The following SLC2A3 variants were observed in gnomAD, a reference collection of about 807,000 sequenced individuals.
SLC2A3 encodes solute carrier family 2 member 3.
SLC2A3 carries 21 observed loss-of-function variants against 46.4 expected under a neutral mutation model. The observed-to-expected ratio is 0.45, with a 90% CI of 0.32 to 0.65. SLC2A3 has a LOEUF of 0.65. Ranked by LOEUF, SLC2A3 falls within the 30% of genes least tolerant of loss-of-function variation. SLC2A3 has a pLI of 0.04. For synonymous variants in SLC2A3, 213 were observed against 239.4 expected, an observed-to-expected ratio of 0.89 and a Z score of 1.02; for missense variants, 499 against 623.3, an observed-to-expected ratio of 0.80 and a Z score of 2.12.
At position 7,930,604 on chromosome 12, in the gene SLC2A3, T is replaced by G. The variant is rs1378989817; in HGVS notation, c.549A>C (p.Leu183=). 1 of 1,613,870 alleles carries G rather than the reference T, an allele frequency of 6.2e-7. No individual in the cohort carries two copies. Among genetic ancestry groups the G allele is most frequent in the East Asian group, 2.2e-5 (1 of 44,870 alleles). ...GLEFILGSEE[L]WPLLLGFTIL... ...TGGTAAAACCCAGTAGCAGCGGCCA[T>G]AGCTCTTCAGACCCAAGGATGAATT... is the stretch of plus-strand genomic sequence containing the variant. The change falls in exon 5 of 10, where the codon CTA becomes CTC. Residue 183 remains leucine, a synonymous_variant. Transcript: ENST00000075120.
At chr12:7,923,781 T>G (rs932375193) in intron 8 of SLC2A3, among the ~76,000 whole-genome samples, 3 of 149,908 alleles carry the variant, frequency 2.0e-5, no homozygotes, top group Non-Finnish European at 3.0e-5. Flanking sequence ...TTTTTTTTTT[T>G]TTTTGAGAGA....
rs1946091738 is a variant in SLC2A3 at position 7,926,041 on chromosome 12, G to C, written c.862-93C>G. 9 of 1,052,108 alleles carry C rather than the reference G, an allele frequency of 8.6e-6. No homozygotes were observed. In the East Asian group the frequency reaches 2.1e-4, roughly 25 times the overall value. The allele number at this position is 1,052,108 out of a possible 1,614,324, so 65.2% of individuals were successfully genotyped here. A position where few individuals can be genotyped will look rare whatever the true frequency, so the allele number is the denominator to read the frequency against. ...TAAACTTAAAAGTCCCAGTGGGTAAGAAGTCCTTTTTCTAGGTTTTCGTTC... is the reference window on the plus strand; with the variant it reads ...TAAACTTAAAAGTCCCAGTGGGTAACAAGTCCTTTTTCTAGGTTTTCGTTC... On this transcript the variant is annotated intron_variant, in intron 6 of 9. Coordinates refer to ENST00000075120, the MANE Select transcript of SLC2A3 (RefSeq NM_006931.3).
Position 7,920,900 on chromosome 12 carries a change from TA to T in SLC2A3, c.*512del, listed in dbSNP as rs1028783890. The stretch of plus-strand genomic sequence containing the variant: ...GCACATGTATCCTGAAACTTAAAGT[TA>T]AAAAAAAAAAATTATGTAATTAAAC... On this transcript the variant is annotated 3_prime_UTR_variant, in exon 10 of 10. Coordinates refer to ENST00000075120, the MANE Select transcript of SLC2A3 (RefSeq NM_006931.3). 425 of 8,976 alleles carry T rather than the reference TA, an allele frequency of 0.047. No individual in the cohort carries two copies. Among genetic ancestry groups the T allele is most frequent in the Non-Finnish European group, 0.067 (304 of 4,554 alleles). The allele number at this position is 8,976 out of a possible 1,614,324, so 0.6% of individuals were successfully genotyped here.
At chr12:7,930,790 T>C (rs1946143929) in intron 4 of SLC2A3, 148 bp from the exon 5 acceptor site, 4 of 649,082 alleles carry the variant, frequency 6.2e-6, no homozygotes, top group South Asian at 2.6e-5. Context: ...CTACTCAGCA[T>C]GGTTTTTTTT....
At chr12:7,928,436 C>T (rs1286520692) in intron 6 of SLC2A3, among the ~76,000 whole-genome samples, 1 of 151,972 alleles carries the variant, frequency 6.6e-6, no homozygotes, top group African/African-American at 2.4e-5. Flanking sequence ...TCTGAAATGG[C>T]AGGAGTCTGT....
intron 8 of SLC2A3, chr12:7,923,346 A>T (rs1032219200): frequency 1.1e-4 from 23 of 212,094 alleles, no homozygotes; most frequent in South Asian, 4.8e-4. Flanking sequence ...TTAAAAAAAA[A>T]TTTTTTTTTT....
At chr12:7,923,842 TACCACA>T (rs891325760) in intron 8 of SLC2A3, among the ~76,000 whole-genome samples, 105 of 150,306 alleles carry the variant, frequency 7.0e-4, no homozygotes, top group African/African-American at 2.4e-3. Context: ...CATCTCAACT[TACCACA>T]ACCTCTGCCT....
chr12:7,924,293 T>G, intron 8 of SLC2A3, 117 bp downstream of exon 8: 1 of 1,532,976 alleles, frequency 6.5e-7, no homozygotes, highest in Non-Finnish European at 8.8e-7. Flanking sequence ...ATCCTGCTTC[T>G]CTCCTCTGAC....
intron 5 of SLC2A3, 163 bp downstream of exon 5, chr12:7,930,317 A>G: frequency 1.4e-6 from 1 of 736,324 alleles, no homozygotes. Flanking sequence ...TTTTCACCTC[A>G]TTCTTTAGGG....
intron 6 of SLC2A3, among the ~76,000 whole-genome samples, chr12:7,928,089 G>GT (rs1946113692): frequency 6.6e-6 from 1 of 151,774 alleles, no homozygotes. Context: ...CTGGGTGACA[G>GT]AACAAGACTT....
intron 8 of SLC2A3, chr12:7,923,346 AT>A (rs906522967): frequency 1.4e-3 from 288 of 211,664 alleles, no homozygotes; most frequent in South Asian, 2.2e-3. Context: ...TTAAAAAAAA[AT>A]TTTTTTTTTG....
intron 6 of SLC2A3, among the ~76,000 whole-genome samples, chr12:7,927,290 T>C (rs1272628146): frequency 6.6e-6 from 1 of 152,130 alleles, no homozygotes; most frequent in Admixed American, 6.6e-5. Context: ...TGGGGAAATA[T>C]ATTAGGCTAG....
intron 3 of SLC2A3, among the ~76,000 whole-genome samples, chr12:7,932,113 C>T (rs867909407): frequency 7.8e-4 from 118 of 151,500 alleles, no homozygotes; most frequent in African/African-American, 2.7e-3. Context: ...ATCTCCTGAC[C>T]TTGTTATCTG....
intron 1 of SLC2A3, among the ~76,000 whole-genome samples, chr12:7,935,730 C>G (rs1486721558): frequency 6.6e-6 from 1 of 152,110 alleles, no homozygotes; most frequent in East Asian, 1.9e-4. Context: ...CAGCCCGATC[C>G]TCTAAACACT....
At chr12:7,925,990 C>A in intron 6 of SLC2A3, 42 bp from the exon 7 acceptor site, 1 of 1,490,804 alleles carries the variant, frequency 6.7e-7, no homozygotes, top group South Asian at 1.1e-5. Context: ...CAATTCTGCA[C>A]ACCAGTTACA....
chr12:7,930,229 G>T (rs1183303002), intron 5 of SLC2A3: 3 of 502,598 alleles, frequency 6.0e-6, no homozygotes, highest in African/African-American at 1.9e-5. Flanking sequence ...CAGGTGACCC[G>T]CCTCGGCCTC....
rs1164383125 is a variant in SLC2A3, at chr12:7,929,760, C to T, written c.785G>A (p.Arg262Lys). 4 of 1,613,232 alleles carry T rather than the reference C, an allele frequency of 2.5e-6. No homozygotes were observed. Among genetic ancestry groups the T allele is most frequent in the South Asian group, 1.1e-5 (1 of 91,046 alleles). The change falls in exon 6 of 10, where the codon AGA becomes AAA. Residue 262 changes from arginine (R) to lysine (K), a missense_variant. Arg to Lys is a conservative substitution (Grantham distance 26). Transcript: ENST00000075120. ...EKQVTVLELF[R>K]VSSYRQPIII... ...GATGGGCTGTCGGTAGCTGGACACT[C>T]TAAAGAGCTCTAGCACGGTGACTTG...
At chr12:7,921,702 A>C in intron 9 of SLC2A3, 71 bp from the exon 10 acceptor site, 2 of 1,487,086 alleles carry the variant, frequency 1.3e-6, no homozygotes, top group Non-Finnish European at 1.8e-6. Context: ...TTTCCTTCAC[A>C]TTCATATTTC....
At chr12:7,933,310 T>G in intron 2 of SLC2A3, 163 bp from the exon 3 acceptor site, 1 of 831,548 alleles carries the variant, frequency 1.2e-6, no homozygotes, top group Non-Finnish European at 1.8e-6. Flanking sequence ...CTCGCTGGAA[T>G]AGTAATTCTA....
Sources: gnomAD v4.1 joint callset for allele counts (sites outside exome capture counted in the v4.1 genomes callset) on GRCh38, gnomAD v4.1.1 for gene constraint, MANE v1.5 for transcripts, NCBI Gene and HGNC (gene_info 2026-07-23, HGNC 2026-07-21) for gene names.